The following HYDIN variants were observed in gnomAD, a reference collection of about 807,000 sequenced individuals.
The protein encoded by HYDIN is axonemal central pair apparatus protein HYDIN.
A neutral mutation model predicts 403.9 loss-of-function variants in HYDIN; 132 were observed. The ratio of observed to expected loss-of-function variants is 0.33; its 90% confidence interval spans 0.28 to 0.38. HYDIN has a LOEUF of 0.38. Among genes scored for constraint, HYDIN ranks in the 10% least tolerant of loss-of-function variants. The pLI, the probability that HYDIN is intolerant of heterozygous loss-of-function variation, is 1.00. For missense variants in HYDIN, 2,827 were observed against 5,009.5 expected (o/e 0.56, Z 13.15); for synonymous variants, 1,202 against 1,891.7 (o/e 0.64, Z 9.46).
chr16:71,063,318 C>T (rs1306984886), intron 16 of HYDIN, among the ~76,000 whole-genome samples: 6 of 152,336 alleles, frequency 3.9e-5, no homozygotes, highest in African/African-American at 1.2e-4. Context: ...AGTGCTCCGC[C>T]GAGCCTTATG....
At chr16:70,830,487 A>G (rs2143501812) in intron 80 of HYDIN, among the ~76,000 whole-genome samples, 1 of 139,842 alleles carries the variant, frequency 7.2e-6, no homozygotes. Context: ...AGGACTTACG[A>G]GTATTTTGAG....
chr16:71,005,379 T>C (rs1243668877), intron 23 of HYDIN, among the ~76,000 whole-genome samples: 1 of 152,030 alleles, frequency 6.6e-6, no homozygotes, highest in African/African-American at 2.4e-5. Context: ...TTAGTGCCCT[T>C]ATAAGAAGGG....
chr16:70,858,718 G>T (rs2039187732), intron 71 of HYDIN, among the ~76,000 whole-genome samples: 1 of 152,144 alleles, frequency 6.6e-6, no homozygotes, highest in Non-Finnish European at 1.5e-5. Context: ...GTCACTTAAA[G>T]ACCAGCATGA....
intron 10 of HYDIN, 103 bp downstream of exon 10, chr16:71,115,593 A>G (rs1351242526): frequency 4.5e-6 from 3 of 667,850 alleles, no homozygotes; most frequent in South Asian, 3.8e-5. Flanking sequence ...CGCCCATGGC[A>G]TGATCCCACA....
intron 67 of HYDIN, chr16:70,864,983 CAGA>C (rs1424210881): frequency 5.4e-6 from 1 of 183,542 alleles, no homozygotes; most frequent in Non-Finnish European, 1.1e-5. Flanking sequence ...TGATCATCAG[CAGA>C]AGATCACATT....
At chr16:70,990,108 T>C (rs1366745433) in intron 25 of HYDIN, among the ~76,000 whole-genome samples, 7 of 151,976 alleles carry the variant, frequency 4.6e-5, no homozygotes. Flanking sequence ...ATGTAAAAAA[T>C]TGCTTAGCTG....
chr16:70,901,297 T>C (rs2076370548), intron 52 of HYDIN, 95 bp from the exon 53 acceptor site: 5 of 781,008 alleles, frequency 6.4e-6, no homozygotes, highest in Non-Finnish European at 1.0e-5. Context: ...GGGGTTCATG[T>C]GCAGGTTTGT....
intron 61 of HYDIN, 57 bp from the exon 62 acceptor site, chr16:70,879,543 C>T (rs1437153608): frequency 1.2e-6 from 2 of 1,603,442 alleles, no homozygotes; most frequent in East Asian, 2.2e-5. Flanking sequence ...AATGACACTC[C>T]CTACAGAGTG....
At chr16:70,810,425 T>G (rs1329626352) in intron 84 of HYDIN, among the ~76,000 whole-genome samples, 1 of 152,248 alleles carries the variant, frequency 6.6e-6, no homozygotes, top group African/African-American at 2.4e-5. Context: ...AGAAAGCATT[T>G]CTTATATAGC....
chr16:70,907,614 A>T (rs1223118218), intron 49 of HYDIN, 123 bp from the exon 50 acceptor site: 1 of 409,948 alleles, frequency 2.4e-6, no homozygotes, highest in Non-Finnish European at 4.4e-6. Flanking sequence ...CTGGAGACAG[A>T]GTGACTCTTC....
chr16:70,840,907 C>T (rs2037774412), intron 75 of HYDIN, among the ~76,000 whole-genome samples: 1 of 152,084 alleles, frequency 6.6e-6, no homozygotes, highest in Non-Finnish European at 1.5e-5. Flanking sequence ...CTCATTGGTA[C>T]ATGAAGTTAA....
At chr16:71,155,983 CG>C (rs2085750340) in intron 6 of HYDIN, among the ~76,000 whole-genome samples, 1 of 88,892 alleles carries the variant, frequency 1.1e-5, no homozygotes, top group African/African-American at 4.0e-5. Flanking sequence ...CCCAGTTTCC[CG>C]GCTTTAGGAA....
At chr16:71,116,175 C>T (rs1372588715) in intron 9 of HYDIN, among the ~76,000 whole-genome samples, 1 of 151,854 alleles carries the variant, frequency 6.6e-6, no homozygotes. Flanking sequence ...CCAATCCCAC[C>T]CTCTGATGCC....
intron 5 of HYDIN, 56 bp downstream of exon 5, chr16:71,175,551 A>G: frequency 6.3e-7 from 1 of 1,586,028 alleles, no homozygotes; most frequent in Non-Finnish European, 8.6e-7. Context: ...AATATTCAGA[A>G]TTGAACTGCA....
chr16:70,974,416 C>T (rs2078828781), intron 32 of HYDIN, 116 bp from the exon 33 acceptor site: 1 of 1,488,474 alleles, frequency 6.7e-7, no homozygotes, highest in South Asian at 1.4e-5. Flanking sequence ...CTGAATAGCC[C>T]AAGAATCCTT....
chr16:70,819,131 T>C (rs1237177010), intron 83 of HYDIN, among the ~76,000 whole-genome samples: 4 of 151,602 alleles, frequency 2.6e-5, no homozygotes, highest in Non-Finnish European at 4.4e-5. Flanking sequence ...GCCAGGCTGG[T>C]CCTGAACTCC....
chr16:71,178,490 T>C (rs1285718460), intron 4 of HYDIN, among the ~76,000 whole-genome samples: 1 of 148,774 alleles, frequency 6.7e-6, no homozygotes, highest in Non-Finnish European at 1.5e-5. Flanking sequence ...TATATATATA[T>C]ACAGACATAC....
intron 23 of HYDIN, among the ~76,000 whole-genome samples, chr16:71,016,974 A>G (rs2080280922): frequency 6.6e-6 from 1 of 150,878 alleles, no homozygotes; most frequent in Non-Finnish European, 1.5e-5. Context: ...AGGTGATTGG[A>G]TCACGCAGGT....
chr16:71,226,497 G>A (rs2041040002), intron 1 of HYDIN, among the ~76,000 whole-genome samples: 1 of 152,112 alleles, frequency 6.6e-6, no homozygotes, highest in South Asian at 2.1e-4. Flanking sequence ...GAAACATTGA[G>A]GAAAATCTTG....
Sources: allele counts gnomAD v4.1 joint callset (sites outside exome capture counted in the v4.1 genomes callset), GRCh38; gene constraint gnomAD v4.1.1; transcripts MANE v1.5; gene names NCBI Gene and HGNC (gene_info 2026-07-23, HGNC 2026-07-21).